The following TUBA1C variants were observed in gnomAD, a reference collection of about 807,000 sequenced individuals.
TUBA1C encodes the protein tubulin alpha-1C chain.
A neutral mutation model predicts 34.9 loss-of-function variants in TUBA1C; 16 were observed. The ratio of observed to expected loss-of-function variants is 0.46; its 90% confidence interval spans 0.31 to 0.70. The LOEUF is 0.70. TUBA1C is among the 30% of genes least tolerant of loss of function. The pLI is 0.05. For missense variants in TUBA1C, 329 were observed against 587.3 expected (o/e 0.56, Z 4.55); for synonymous variants, 177 against 215.9 (o/e 0.82, Z 1.58).
rs1943027311 is a variant in TUBA1C at position 49,273,774 on chromosome 12, C to T, written c.*547C>T. 5.8e-6 allele frequency: 1 copy of T among 173,080 alleles called. No homozygotes were observed. The highest frequency in any genetic ancestry group is 1.3e-5 in the Non-Finnish European group (1 of 79,960). The allele number at this position is 173,080 out of a possible 1,614,324, so 10.7% of individuals were successfully genotyped here. A position where few individuals can be genotyped will look rare whatever the true frequency, so the allele number is the denominator to read the frequency against. ...GGGTTCAGATTGAGCCAGTGCTTCTCTAACTAAAATGGATGTGAATCACCT... is the reference window on the plus strand; with the variant it reads ...GGGTTCAGATTGAGCCAGTGCTTCTTTAACTAAAATGGATGTGAATCACCT... On this transcript the variant is annotated 3_prime_UTR_variant, in exon 4 of 4. Transcript: ENST00000301072.
chr12:49,265,225 C>A, intron 1 of TUBA1C, 41 bp downstream of exon 1: 1 of 1,561,208 alleles, frequency 6.4e-7, no homozygotes, highest in Admixed American at 1.7e-5. Context: ...AGTGCGCGTC[C>A]CAGGGGACGG....
intron 3 of TUBA1C, among the ~76,000 whole-genome samples, chr12:49,270,711 G>C (rs1942979222): frequency 1.3e-5 from 2 of 152,198 alleles, no homozygotes; most frequent in South Asian, 4.1e-4. Flanking sequence ...GGCTGGGCAC[G>C]GTGGCTGACA....
chr12:49,251,096 A>G (rs1942727832), intron 1 of TUBA1C, among the ~76,000 whole-genome samples: 1 of 151,692 alleles, frequency 6.6e-6, no homozygotes, highest in Non-Finnish European at 1.5e-5. Flanking sequence ...AGACCCAGCT[A>G]CTTGGGAGGC....
chr12:49,266,261 T>TAAAA (rs35928737), intron 1 of TUBA1C, among the ~76,000 whole-genome samples: 10 of 79,488 alleles, frequency 1.3e-4, no homozygotes, highest in African/African-American at 3.2e-4. Context: ...CCGTCTCTAC[T>TAAAA]AAAAAAAAAA....
intron 1 of TUBA1C, among the ~76,000 whole-genome samples, chr12:49,259,044 C>T (rs767834400): frequency 2.0e-5 from 3 of 152,100 alleles, no homozygotes; most frequent in Non-Finnish European, 4.4e-5. Flanking sequence ...CAGGTGTGAG[C>T]CACCGCACCC....
chr12:49,252,661 C>A (rs1325626191), intron 1 of TUBA1C, among the ~76,000 whole-genome samples: 1 of 152,172 alleles, frequency 6.6e-6, no homozygotes, highest in Non-Finnish European at 1.5e-5. Flanking sequence ...CCTGTAATCC[C>A]AGCACTTTGG....
intron 1 of TUBA1C, among the ~76,000 whole-genome samples, chr12:49,241,658 C>T (rs1169782865): frequency 7.0e-6 from 1 of 142,608 alleles, no homozygotes; most frequent in African/African-American, 2.5e-5. Flanking sequence ...TTCTTCCTTC[C>T]TTCCTTCCTT....
chr12:49,241,991 CTTTTT>C (rs201854507), intron 1 of TUBA1C, among the ~76,000 whole-genome samples: 1 of 131,826 alleles, frequency 7.6e-6, no homozygotes, highest in African/African-American at 2.8e-5. Flanking sequence ...TTCTTTCTTT[CTTTTT>C]TTTTTTTTTT....
At chr12:49,270,059 CTAAAA>C in intron 3 of TUBA1C, 83 bp downstream of exon 3, 1 of 1,611,068 alleles carries the variant, frequency 6.2e-7, no homozygotes, top group South Asian at 1.1e-5. Context: ...TTCTTTGCAA[CTAAAA>C]TGAGACTATT....
At chr12:49,237,748 A>G (rs7974597) in intron 1 of TUBA1C, among the ~76,000 whole-genome samples, 8,942 of 149,222 alleles carry the variant, frequency 0.06, 345 homozygotes, top group South Asian at 0.12. Context: ...AAAAAAAAAA[A>G]AGAGAGAGAG....
intron 1 of TUBA1C, among the ~76,000 whole-genome samples, chr12:49,235,069 G>C (rs1264018052): frequency 6.7e-6 from 1 of 150,244 alleles, no homozygotes; most frequent in Non-Finnish European, 1.5e-5. Context: ...GCCCGCCTCG[G>C]CCTCCCAAAG....
chr12:49,237,276 G>A lies in TUBA1C; in HGVS notation c.213+9110G>A, dbSNP rs563780544. Among the ~76,000 whole-genome samples, 257 of 151,680 alleles carry A rather than the reference G, an allele frequency of 1.7e-3. 1 individual carries two copies. The highest frequency in any genetic ancestry group is 5.8e-3 in the African/African-American group (238 of 41,340). On this transcript the variant is annotated intron_variant, in intron 1 of 3. Transcript: ENST00000541364. ...CTCTACTAAAAATACAAAATTAGCC[G>A]GGAGTGGTGGCGCGTACCTGTAATC...
At chr12:49,265,911 T>TTGGGAGGCTGAGGCTGGTG (rs1165156819) in intron 1 of TUBA1C, among the ~76,000 whole-genome samples, 7 of 148,956 alleles carry the variant, frequency 4.7e-5, no homozygotes, top group African/African-American at 1.0e-4. Context: ...TCCCAGCACT[T>TTGGGAGGCTGAGGCTGGTG]GTTCGAGACA....
chr12:49,250,220 T>A (rs2137001989), intron 1 of TUBA1C, among the ~76,000 whole-genome samples: 1 of 149,338 alleles, frequency 6.7e-6, no homozygotes, highest in South Asian at 2.1e-4. Flanking sequence ...ATAATAAATT[T>A]GTTTTAAAAA....
intron 1 of TUBA1C, among the ~76,000 whole-genome samples, chr12:49,266,614 C>T (rs1008283362): frequency 2.0e-5 from 3 of 152,206 alleles, no homozygotes; most frequent in South Asian, 2.1e-4. Flanking sequence ...TTTGGGAGTC[C>T]GAGGCGGGAG....
intron 1 of TUBA1C, among the ~76,000 whole-genome samples, chr12:49,254,083 A>G (rs1229989514): frequency 6.6e-6 from 1 of 152,150 alleles, no homozygotes; most frequent in Non-Finnish European, 1.5e-5. Context: ...AGGCCGAGGC[A>G]GGCGGATCAC....
upstream of TUBA1C, among the ~76,000 whole-genome samples, chr12:49,260,523 A>C (rs1371640416): frequency 6.6e-6 from 1 of 152,248 alleles, no homozygotes; most frequent in Non-Finnish European, 1.5e-5. Flanking sequence ...AGCTCAAATC[A>C]GGGAGGAAGA....
At chr12:49,268,692 GT>G (rs1332414009) in intron 1 of TUBA1C, among the ~76,000 whole-genome samples, 1 of 152,296 alleles carries the variant, frequency 6.6e-6, no homozygotes, top group East Asian at 1.9e-4. Flanking sequence ...TCTGACCACA[GT>G]TTTTAAAATA....
chr12:49,273,490 T>C lies in TUBA1C; in HGVS notation c.*263T>C, dbSNP rs1943023851. On this transcript the variant is annotated 3_prime_UTR_variant, in exon 4 of 4. Coordinates refer to ENST00000301072, the MANE Select transcript of TUBA1C (RefSeq NM_032704.5). Reference sequence around the variant, plus strand: ...TTGCAGCCTCGAGCTCCTGGACTCATGTGATTCTCCTGCTTCAGCCTCCTA... The same window carrying C: ...TTGCAGCCTCGAGCTCCTGGACTCACGTGATTCTCCTGCTTCAGCCTCCTA... 5 of 498,142 alleles carry C rather than the reference T, an allele frequency of 1.0e-5. No individual in the cohort carries two copies. The Admixed American group carries it at 1.6e-4, about 16-fold the overall frequency. The allele number at this position is 498,142 out of a possible 1,614,324, so 30.9% of individuals were successfully genotyped here. A position where few individuals can be genotyped will look rare whatever the true frequency, so the allele number is the denominator to read the frequency against.
Sources: gnomAD v4.1 joint callset for allele counts (sites outside exome capture counted in the v4.1 genomes callset) on GRCh38, gnomAD v4.1.1 for gene constraint, MANE v1.5 for transcripts, NCBI Gene and HGNC (gene_info 2026-07-23, HGNC 2026-07-21) for gene names.